Variants in GINS1 observed in about 807,000 individuals in gnomAD.
GINS1 encodes the protein GINS complex subunit 1.
In GINS1, 26 loss-of-function variants were observed where a neutral mutation model predicts 34.9. That is an observed-to-expected ratio of 0.74 (90% CI 0.55 to 1.03). The LOEUF (loss-of-function observed/expected upper bound fraction) is 1.03. Ranked by LOEUF, GINS1 falls within the 50% of genes least tolerant of loss-of-function variation. The pLI is 0.00. For missense variants in GINS1, 235 were observed against 237.9 expected (o/e 0.99, Z 0.08); for synonymous variants, 97 against 84.4 (o/e 1.15, Z -0.82).
chr20:25,434,776 T>G (rs2090445392), intron 5 of GINS1, among the ~76,000 whole-genome samples: 1 of 152,208 alleles, frequency 6.6e-6, no homozygotes, highest in Admixed American at 6.5e-5. Flanking sequence ...GAGGCCTGGA[T>G]GTCCAAGATC....
chr20:25,428,121 C>T (rs2090402689), intron 5 of GINS1, among the ~76,000 whole-genome samples: 1 of 152,098 alleles, frequency 6.6e-6, no homozygotes, highest in South Asian at 2.1e-4. Context: ...GATCCACCCA[C>T]CTTGGCCTCC....
chr20:25,415,522 C>A (rs763480238), intron 2 of GINS1, among the ~76,000 whole-genome samples: 1 of 151,860 alleles, frequency 6.6e-6, no homozygotes, highest in Admixed American at 6.6e-5. Context: ...ACCCTGTCTA[C>A]GAAAAATACA....
At chr20:25,432,196 G>A (rs1484311665) in intron 5 of GINS1, among the ~76,000 whole-genome samples, 1 of 152,058 alleles carries the variant, frequency 6.6e-6, no homozygotes, top group Non-Finnish European at 1.5e-5. Flanking sequence ...ATTTTTTAAT[G>A]TAGGTGTTTA....
chr20:25,435,378 A>G (rs111851752), intron 5 of GINS1, among the ~76,000 whole-genome samples: 3,176 of 152,214 alleles, frequency 0.021, 103 homozygotes, highest in African/African-American at 0.072. Flanking sequence ...AGCTCACTGT[A>G]ATCTCAAACT....
chr20:25,445,781 C>T (rs1473301687), intron 6 of GINS1, 142 bp from the exon 7 acceptor site: 2 of 607,882 alleles, frequency 3.3e-6, no homozygotes, highest in Admixed American at 2.9e-5. Flanking sequence ...CCGTACCCAG[C>T]CCCTTAAGTT....
In GINS1 at chr20:25,441,756, C is replaced by T. The variant is rs6083865; in HGVS notation, c.502C>T (p.Leu168=). ...EFEVDDGTSV[L]LKKNSQHFLP... ...TGAAGTTGATGATGGCACTTCAGTC[C>T]TATTAAAAAAAAATAGCCAGGTATT... is the stretch of plus-strand genomic sequence containing the variant. Residue 168 remains leucine (L), a synonymous_variant, in exon 6 of 7, where the codon CTA becomes TTA. Transcript: ENST00000262460. 6.5e-7 allele frequency: 1 copy of T among 1,546,160 alleles called. No homozygotes were observed. The highest frequency in any genetic ancestry group is 1.2e-5 in the South Asian group (1 of 86,266).
intron 5 of GINS1, among the ~76,000 whole-genome samples, chr20:25,425,710 A>ATTTGG (rs1251831596): frequency 6.6e-6 from 1 of 152,224 alleles, no homozygotes; most frequent in African/African-American, 2.4e-5. Flanking sequence ...AACAAAGTTA[A>ATTTGG]ATCAAAATGG....
chr20:25,421,065 T>C (rs1403796747), intron 4 of GINS1: 1 of 558,340 alleles, frequency 1.8e-6, no homozygotes, highest in Non-Finnish European at 2.3e-6. Flanking sequence ...GGATAGTGCT[T>C]CAATGGGTGA....
In GINS1 at chr20:25,446,021, T is replaced by G. The variant is rs1277898564; in HGVS notation, c.*30T>G. 4.4e-6 allele frequency: 6 copies of G among 1,366,434 alleles called. No homozygotes were observed. The highest frequency in any genetic ancestry group is 6.3e-6 in the Non-Finnish European group (6 of 958,582). The allele number at this position is 1,366,434 out of a possible 1,614,324, so 84.6% of individuals were successfully genotyped here. On this transcript the variant is annotated 3_prime_UTR_variant, in exon 7 of 7. Coordinates refer to ENST00000262460, the MANE Select transcript of GINS1 (RefSeq NM_021067.5). The stretch of plus-strand genomic sequence containing the variant: ...GCGCCGAGGCACTTCCAGGCTTCAC[T>G]CAACTCATGGACTCCTCTGTACTCA...
intron 1 of GINS1, among the ~76,000 whole-genome samples, chr20:25,413,238 G>A (rs1376526781): frequency 2.0e-5 from 3 of 151,876 alleles, no homozygotes; most frequent in South Asian, 2.1e-4. Flanking sequence ...TAGGAGAGAC[G>A]GGGTTTCACC....
At chr20:25,426,344 A>G (rs1159545283) in intron 5 of GINS1, among the ~76,000 whole-genome samples, 2 of 151,696 alleles carry the variant, frequency 1.3e-5, no homozygotes. Context: ...AAGGAGGATC[A>G]CCTGAGGTCG....
chr20:25,431,690 C>T (rs1016680682), intron 5 of GINS1, among the ~76,000 whole-genome samples: 1 of 151,648 alleles, frequency 6.6e-6, no homozygotes, highest in East Asian at 1.9e-4. Flanking sequence ...CATGCCTCAG[C>T]CTCCCGAGTA....
chr20:25,413,576 G>A, intron 1 of GINS1: 1 of 545,884 alleles, frequency 1.8e-6, no homozygotes, highest in Non-Finnish European at 3.3e-6. Context: ...TGCCCACAGG[G>A]CTATACCGTT....
chr20:25,444,670 C>CTTAA (rs71312678), intron 6 of GINS1, among the ~76,000 whole-genome samples: 207 of 152,280 alleles, frequency 1.4e-3, no homozygotes, highest in Non-Finnish European at 2.4e-3. Context: ...GCTTCCTTAA[C>CTTAA]CTCCCTCCTC....
intron 1 of GINS1, 198 bp from the exon 2 acceptor site, chr20:25,413,592 T>C: frequency 1.8e-6 from 1 of 558,884 alleles, no homozygotes; most frequent in Non-Finnish European, 3.2e-6. Context: ...CCGTTTTACA[T>C]TCCCACCAGC....
chr20:25,436,540 C>G (rs1195368917), intron 5 of GINS1, among the ~76,000 whole-genome samples: 4 of 151,928 alleles, frequency 2.6e-5, no homozygotes, highest in Non-Finnish European at 4.4e-5. Context: ...TTCTGTTATC[C>G]TGTCTTTAGG....
intron 4 of GINS1, chr20:25,420,896 A>G (rs1293763633): frequency 1.0e-6 from 1 of 971,040 alleles, no homozygotes; most frequent in East Asian, 1.1e-4. Context: ...ATACAGATAA[A>G]CTCTGTAGTA....
intron 4 of GINS1, among the ~76,000 whole-genome samples, chr20:25,419,295 C>T (rs953469919): frequency 6.6e-6 from 1 of 151,856 alleles, no homozygotes; most frequent in Admixed American, 6.6e-5. Context: ...CACATGTATA[C>T]CTATGTAACA....
At position 25,417,206 on chromosome 20, in the gene GINS1, A is replaced by C; in HGVS notation, c.239+4A>C. 6.8e-7 allele frequency: 1 copy of C among 1,472,032 alleles called. No homozygotes were observed. Among genetic ancestry groups the C allele is most frequent in the Non-Finnish European group, 9.5e-7 (1 of 1,055,658 alleles). The allele number at this position is 1,472,032 out of a possible 1,614,324, so 91.2% of individuals were successfully genotyped here. ...GACGCTGCACTGTAGCATACCTGTA[A>C]GCTTCTCAGTTTTTGCTTGGGGTGG... On this transcript the variant is annotated splice_donor_region_variant and intron_variant, in intron 3 of 6. Coordinates refer to ENST00000262460, the MANE Select transcript of GINS1 (RefSeq NM_021067.5).
Sources: allele counts gnomAD v4.1 joint callset (sites outside exome capture counted in the v4.1 genomes callset), GRCh38; gene constraint gnomAD v4.1.1; transcripts MANE v1.5; gene names NCBI Gene and HGNC (gene_info 2026-07-23, HGNC 2026-07-21).